Variants in PWP1 observed in about 807,000 individuals in gnomAD.
PWP1 encodes periodic tryptophan protein 1 homolog.
PWP1 carries 47 observed loss-of-function variants against 69.9 expected under a neutral mutation model. That is an observed-to-expected ratio of 0.67 (90% CI 0.53 to 0.86). PWP1 has a LOEUF of 0.86. Ranked by LOEUF, PWP1 falls within the 40% of genes least tolerant of loss-of-function variation. The pLI is 0.00. For missense variants in PWP1, 551 were observed against 608.8 expected, an observed-to-expected ratio of 0.91 and a Z score of 1.00; for synonymous variants, 222 against 208.2, an observed-to-expected ratio of 1.07 and a Z score of -0.57.
intron 13 of PWP1, 115 bp downstream of exon 13, chr12:107,709,347 G>A (rs1889896448): frequency 1.5e-6 from 2 of 1,319,368 alleles, no homozygotes; most frequent in Admixed American, 2.2e-5. Context: ...AAATATGGAT[G>A]TGTTGGGGAA....
At chr12:107,706,616 A>G (rs1593149340) in intron 11 of PWP1, among the ~76,000 whole-genome samples, 1 of 152,310 alleles carries the variant, frequency 6.6e-6, no homozygotes, top group East Asian at 1.9e-4. Context: ...CTTTCTACAT[A>G]TGGCTAGCCA....
chr12:107,707,586 A>G, intron 11 of PWP1, among the ~76,000 whole-genome samples: 1 of 152,292 alleles, frequency 6.6e-6, no homozygotes, highest in South Asian at 2.1e-4. Flanking sequence ...TACCGAATTT[A>G]TTGAGAGTTT....
intron 11 of PWP1, among the ~76,000 whole-genome samples, chr12:107,705,638 C>T (rs904941648): frequency 3.3e-5 from 5 of 150,902 alleles, no homozygotes; most frequent in African/African-American, 7.3e-5. Flanking sequence ...TCTGTCCTTG[C>T]GATAGATAGT....
At chr12:107,711,684 C>T (rs778134603) in intron 14 of PWP1, among the ~76,000 whole-genome samples, 4 of 152,126 alleles carry the variant, frequency 2.6e-5, no homozygotes, top group Non-Finnish European at 5.9e-5. Context: ...TGTATGATTC[C>T]TGCATCCTCC....
At chr12:107,687,426 A>T (rs981443620) in intron 1 of PWP1, among the ~76,000 whole-genome samples, 8 of 152,178 alleles carry the variant, frequency 5.3e-5, no homozygotes, top group Admixed American at 1.3e-4. Context: ...AAAAATACTG[A>T]TGTTTATGTC....
chr12:107,689,701 G>T (rs1487613117), intron 3 of PWP1, among the ~76,000 whole-genome samples: 1 of 152,102 alleles, frequency 6.6e-6, no homozygotes, highest in Non-Finnish European at 1.5e-5. Flanking sequence ...AGCCAAGATC[G>T]TGCCACTGCA....
chr12:107,686,736 G>A (rs1403385870), intron 1 of PWP1, among the ~76,000 whole-genome samples: 2 of 152,226 alleles, frequency 1.3e-5, no homozygotes, highest in East Asian at 3.8e-4. Flanking sequence ...GGAGGCCAAG[G>A]CGGGCGGATC....
chr12:107,692,632 A>G, intron 3 of PWP1, 182 bp from the exon 4 acceptor site: 1 of 574,690 alleles, frequency 1.7e-6, no homozygotes, highest in Non-Finnish European at 3.0e-6. Context: ...CCAAAGGTCA[A>G]ATACAAAAAT....
intron 1 of PWP1, among the ~76,000 whole-genome samples, chr12:107,687,326 A>T (rs1224100950): frequency 1.3e-5 from 2 of 152,254 alleles, no homozygotes; most frequent in Non-Finnish European, 2.9e-5. Context: ...GGAAACAGTT[A>T]TTAAAAAGAG....
intron 11 of PWP1, 82 bp from the exon 12 acceptor site, chr12:107,708,844 A>AT (rs1889880813): frequency 7.9e-7 from 1 of 1,271,098 alleles, no homozygotes; most frequent in African/African-American, 1.5e-5. Flanking sequence ...CATATAGCTG[A>AT]TTTTCACTAT....
At position 107,710,393 on chromosome 12, in the gene PWP1, TTC is replaced by T. The variant is rs572590540; in HGVS notation, c.1291-4_1291-3del. 3.9e-5 allele frequency: 63 copies of T among 1,612,502 alleles called. 1 individual carries two copies. In the African/African-American group the frequency reaches 6.1e-4, roughly 16 times the overall value. On this transcript the variant is annotated splice_polypyrimidine_tract_variant and intron_variant, in intron 13 of 14. Coordinates refer to ENST00000412830, the MANE Select transcript of PWP1 (RefSeq NM_007062.3). Reference sequence around the variant, plus strand: ...AGAGATTGAAATCACCATCTTCCTGTTCTCTCTCTAGGGAGTTCTCTTCTGTT... The same window carrying T: ...AGAGATTGAAATCACCATCTTCCTGTTCTCTCTAGGGAGTTCTCTTCTGTT...
chr12:107,712,160 A>AAATTCATCTATT lies in PWP1; in HGVS notation c.1448_1459dup (p.Asn483_Ile486dup), dbSNP rs1889965543. The AAATTCATCTATT allele has an allele frequency of 1.2e-6, 2 of 1,614,114 alleles. No individual in the cohort carries two copies. The highest frequency in any genetic ancestry group is 4.5e-5 in the East Asian group (2 of 44,882). ...AGAGGCTTGTTCTTGGGAGTGCAAG[A>AAATTCATCTATT]AATTCATCTATTAGTGGCCCTTTTG... On this transcript the variant is annotated inframe_insertion, in exon 15 of 15. Transcript: ENST00000412830.
At chr12:107,691,069 G>T (rs1053733938) in intron 3 of PWP1, among the ~76,000 whole-genome samples, 1 of 152,242 alleles carries the variant, frequency 6.6e-6, no homozygotes. Flanking sequence ...TCTTGTCCTG[G>T]ATGCCTCAGG....
rs973402416 is a variant in PWP1 at position 107,685,836 on chromosome 12, T to C, written c.-64T>C. 1.3e-6 allele frequency: 2 copies of C among 1,558,000 alleles called. No individual in the cohort carries two copies. Among genetic ancestry groups the C allele is most frequent in the African/African-American group, 2.7e-5 (2 of 73,802 alleles). On this transcript the variant is annotated 5_prime_UTR_variant, in exon 1 of 15. Coordinates refer to ENST00000412830, the MANE Select transcript of PWP1 (RefSeq NM_007062.3). ...CAGATCCCTGAGCGTGTGGCAGCAGTGCGGTCGTGGTCCCTCCCTATGCAG... is the reference window on the plus strand; with the variant it reads ...CAGATCCCTGAGCGTGTGGCAGCAGCGCGGTCGTGGTCCCTCCCTATGCAG...
chr12:107,709,163 C>CTAT lies in PWP1; in HGVS notation c.1221_1222insTAT (p.Asp407_Lys408insTyr). On this transcript the variant is annotated inframe_insertion, in exon 13 of 15. Transcript: ENST00000412830. ...GCTGTCTCGTGACTGCTTCAGCTGA[C>CTAT]AAATACGTGAAGATCTGGGACATCT... 1 of 1,613,902 alleles carries CTAT rather than the reference C, an allele frequency of 6.2e-7. No individual in the cohort carries two copies. Among genetic ancestry groups the CTAT allele is most frequent in the Non-Finnish European group, 8.5e-7 (1 of 1,179,866 alleles).
Position 107,704,618 on chromosome 12 carries a change from T to C in PWP1, c.966-18T>C. On this transcript the variant is annotated intron_variant, in intron 10 of 14. Transcript: ENST00000412830. ...GAATTGAACTCTTAAAACCCTAACT[T>C]TGCCTGAATGTGTCTAGGTCAGTGG... The C allele has an allele frequency of 6.3e-7, 1 of 1,597,462 alleles. No individual in the cohort carries two copies. Among genetic ancestry groups the C allele is most frequent in the Non-Finnish European group, 8.6e-7 (1 of 1,166,088 alleles).
At chr12:107,700,572 G>T (rs182692948) in intron 8 of PWP1, among the ~76,000 whole-genome samples, 11 of 152,130 alleles carry the variant, frequency 7.2e-5, no homozygotes, top group East Asian at 1.9e-4. Context: ...GTTCATTTAC[G>T]TGTGGTCACC....
chr12:107,689,050 A>C (rs1467260913), intron 3 of PWP1, among the ~76,000 whole-genome samples: 1 of 152,212 alleles, frequency 6.6e-6, no homozygotes, highest in Non-Finnish European at 1.5e-5. Context: ...CAGGTTTAAT[A>C]ATCTGTAACC....
At chr12:107,707,694 A>T (rs2136286821) in intron 11 of PWP1, among the ~76,000 whole-genome samples, 1 of 152,300 alleles carries the variant, frequency 6.6e-6, no homozygotes, top group African/African-American at 2.4e-5. Context: ...ATGCTGGATT[A>T]CGTTTATTGA....
Sources: gnomAD v4.1 joint callset for allele counts (sites outside exome capture counted in the v4.1 genomes callset) on GRCh38, gnomAD v4.1.1 for gene constraint, MANE v1.5 for transcripts, NCBI Gene and HGNC (gene_info 2026-07-23, HGNC 2026-07-21) for gene names.